EPHB1: variants seen among roughly 807,000 people sequenced by gnomAD.
EPHB1 encodes EPH receptor B1.
Under a neutral mutation model 94.4 loss-of-function variants are expected in EPHB1, and 30 were observed. The ratio of observed to expected loss-of-function variants is 0.32; its 90% CI spans 0.24 to 0.43. The LOEUF is 0.43. Ranked by LOEUF, EPHB1 falls within the 20% of genes least tolerant of loss-of-function variation. EPHB1 has a pLI of 1.00. For missense variants in EPHB1, 1,055 were observed against 1,308.3 expected (o/e 0.81, Z 2.99); for synonymous variants, 522 against 489.1 (o/e 1.07, Z -0.89).
At chr3:135,150,282 A>G (rs1941153314) in intron 5 of EPHB1, among the ~76,000 whole-genome samples, 2 of 152,364 alleles carry the variant, frequency 1.3e-5, no homozygotes, top group Middle Eastern at 3.4e-3. Context: ...AGAGGTCTGC[A>G]AGGGCAGCCT....
chr3:135,097,812 T>C (rs1938861104), intron 3 of EPHB1, among the ~76,000 whole-genome samples: 1 of 152,214 alleles, frequency 6.6e-6, no homozygotes, highest in Non-Finnish European at 1.5e-5. Flanking sequence ...CCCAGGATGA[T>C]GTAGAAGTAA....
rs377064799 is a variant in EPHB1, at chr3:135,054,040, T to TATATATACACAC, written c.806-52407_806-52406insTATATACACACA. ...GTGTGTCTGCATATATATATATATA[T>TATATATACACAC]ACACACACACACACACACACACACA... On this transcript the variant is annotated intron_variant, in intron 3 of 15. Coordinates refer to ENST00000398015, the MANE Select transcript of EPHB1 (RefSeq NM_004441.5). Among the ~76,000 whole-genome samples, 963 of 139,834 alleles carry TATATATACACAC rather than the reference T, an allele frequency of 6.9e-3. 9 individuals carry two copies. The highest frequency in any genetic ancestry group is 0.02 in the African/African-American group (736 of 36,448). 91.7% of individuals were successfully genotyped at this position (139,834 alleles called of 152,430 possible). A position where few individuals can be genotyped will look rare whatever the true frequency, so the allele number is the denominator to read the frequency against.
intron 1 of EPHB1, chr3:134,841,680 T>G (rs560463379): frequency 4.6e-5 from 7 of 152,350 alleles, no homozygotes. Flanking sequence ...CACAATCATT[T>G]GAATCCTGCT....
At chr3:135,097,450 G>A (rs1938845248) in intron 3 of EPHB1, among the ~76,000 whole-genome samples, 1 of 152,156 alleles carries the variant, frequency 6.6e-6, no homozygotes, top group Non-Finnish European at 1.5e-5. Flanking sequence ...GGACCTCAGT[G>A]TCTGTCCCTC....
chr3:134,988,846 T>G (rs1234185701), intron 3 of EPHB1, among the ~76,000 whole-genome samples: 2 of 152,174 alleles, frequency 1.3e-5, no homozygotes, highest in African/African-American at 2.4e-5. Context: ...AATTTAGAAA[T>G]AGAGAAACTG....
chr3:134,945,182 T>C (rs1436635984), intron 2 of EPHB1, among the ~76,000 whole-genome samples: 1 of 152,208 alleles, frequency 6.6e-6, no homozygotes, highest in Non-Finnish European at 1.5e-5. Flanking sequence ...ACTTTTTTTC[T>C]ATCAGGTTTT....
chr3:135,061,531 G>A (rs983780310), intron 3 of EPHB1, among the ~76,000 whole-genome samples: 9 of 152,024 alleles, frequency 5.9e-5, no homozygotes, highest in Admixed American at 6.6e-5. Flanking sequence ...AGGTCACTAC[G>A]AATGCTGTTA....
chr3:134,899,637 T>A (rs2038159440), intron 1 of EPHB1, among the ~76,000 whole-genome samples: 1 of 152,098 alleles, frequency 6.6e-6, no homozygotes, highest in Non-Finnish European at 1.5e-5. Context: ...ACTCTTAGAC[T>A]TGAAGCTTCT....
intron 11 of EPHB1, 110 bp downstream of exon 11, chr3:135,192,933 T>C: frequency 7.3e-7 from 1 of 1,379,224 alleles, no homozygotes; most frequent in Non-Finnish European, 9.9e-7. Flanking sequence ...TGATCCAGTG[T>C]GAATGGGCAT....
chr3:135,179,430 C>T (rs1942088117), intron 9 of EPHB1, among the ~76,000 whole-genome samples: 1 of 152,134 alleles, frequency 6.6e-6, no homozygotes, highest in African/African-American at 2.4e-5. Context: ...CAGTTATAAC[C>T]TTAACAGTGG....
intron 1 of EPHB1, among the ~76,000 whole-genome samples, chr3:134,916,129 CT>C (rs1418600391): frequency 6.6e-6 from 1 of 151,728 alleles, no homozygotes; most frequent in Non-Finnish European, 1.5e-5. Context: ...ATACAGAGTG[CT>C]GATTGGTGTA....
intron 1 of EPHB1, among the ~76,000 whole-genome samples, chr3:134,913,277 G>T (rs913164207): frequency 1.1e-4 from 16 of 152,306 alleles, no homozygotes; most frequent in Admixed American, 2.0e-4. Flanking sequence ...GGTGAGGGGG[G>T]AGCTCAGAGT....
intron 1 of EPHB1, among the ~76,000 whole-genome samples, chr3:134,846,547 G>A (rs938907682): frequency 6.6e-6 from 1 of 152,198 alleles, no homozygotes; most frequent in African/African-American, 2.4e-5. Flanking sequence ...CATCTTGTGT[G>A]ATGCCTGTTC....
At chr3:135,253,798 T>C (rs981949294) in intron 15 of EPHB1, among the ~76,000 whole-genome samples, 76 of 152,180 alleles carry the variant, frequency 5.0e-4, no homozygotes, top group Middle Eastern at 6.8e-3. Flanking sequence ...GTAAATTACC[T>C]GGGGCAGTAT....
chr3:135,156,850 G>A (rs1941370913), intron 6 of EPHB1, among the ~76,000 whole-genome samples: 1 of 152,222 alleles, frequency 6.6e-6, no homozygotes, highest in Non-Finnish European at 1.5e-5. Context: ...TTGGAACAAT[G>A]TGTTTAGACT....
At chr3:134,805,863 C>T (rs1344862623) in intron 1 of EPHB1, among the ~76,000 whole-genome samples, 3 of 152,142 alleles carry the variant, frequency 2.0e-5, no homozygotes, top group African/African-American at 7.2e-5. Context: ...CCCTCACAGC[C>T]GCCTCTGCTT....
At chr3:135,217,806 T>C (rs922075449) in intron 12 of EPHB1, among the ~76,000 whole-genome samples, 2 of 152,170 alleles carry the variant, frequency 1.3e-5, no homozygotes, top group Non-Finnish European at 2.9e-5. Flanking sequence ...TGCAAGATTT[T>C]CAGGAAAAAG....
intron 5 of EPHB1, 57 bp downstream of exon 5, chr3:135,133,106 A>G: frequency 6.7e-7 from 1 of 1,489,354 alleles, no homozygotes; most frequent in East Asian, 2.3e-5. Flanking sequence ...CTTTGTCTCT[A>G]GGCAGGGACA....
chr3:134,879,443 C>T (rs1030496046), intron 1 of EPHB1, among the ~76,000 whole-genome samples: 1 of 151,924 alleles, frequency 6.6e-6, no homozygotes, highest in African/African-American at 2.4e-5. Context: ...TTGAGACTAG[C>T]CTGGGCAACA....
Sources: allele counts gnomAD v4.1 joint callset (sites outside exome capture counted in the v4.1 genomes callset), GRCh38; gene constraint gnomAD v4.1.1; transcripts MANE v1.5; gene names NCBI Gene and HGNC (gene_info 2026-07-23, HGNC 2026-07-21).